ASPRV1: variants seen among roughly 807,000 people sequenced by gnomAD.
ASPRV1 encodes aspartic peptidase retroviral like 1, also known as retroviral-like aspartic protease 1.
In ASPRV1, 7 loss-of-function variants were observed where a neutral mutation model predicts 11.0. The ratio of observed to expected loss-of-function variants is 0.64; its 90% CI spans 0.36 to 1.20. The LOEUF (loss-of-function observed/expected upper bound fraction) is 1.20. Ranked by LOEUF, ASPRV1 falls within the 50% of genes most tolerant of loss-of-function variation. ASPRV1 has a pLI of 0.02. For missense variants in ASPRV1, 299 were observed against 320.0 expected, an observed-to-expected ratio of 0.93 and a Z score of 0.50; for synonymous variants, 136 against 138.4, an observed-to-expected ratio of 0.98 and a Z score of 0.12.
chr2:69,963,550 G>A (rs543699364), upstream of ASPRV1: 19 of 420,838 alleles, frequency 4.5e-5, no homozygotes, highest in African/African-American at 1.8e-4. Context: ...AGGGAGGAGC[G>A]AGGCAGGTGG....
chr2:69,960,835 C>A lies in ASPRV1; in HGVS notation c.602G>T (p.Gly201Val). The A allele has an allele frequency of 6.2e-7, 1 of 1,614,160 alleles. No individual in the cohort carries two copies. Among genetic ancestry groups the A allele is most frequent in the Non-Finnish European group, 8.5e-7 (1 of 1,180,018 alleles). Residue 201 changes from glycine to valine, a missense_variant, in exon 1 of 1, where the codon GGC (glycine) becomes GTC (valine). Coordinates refer to ENST00000320256, the MANE Select transcript of ASPRV1 (RefSeq NM_152792.4). The part of the protein sequence containing the change: ...ANASAEEAII[G>V]TDVLQDHNAI... ...ATTGTGGTCCTGGAGCACATCAGTG[C>A]CAATGATGGCTTCCTCGGCACTCGC...
chr2:69,937,245 A>C, the ASPRV1 span: 1 of 1,613,810 alleles, frequency 6.2e-7, no homozygotes, highest in African/African-American at 1.3e-5. Context: ...AAACTTGAAG[A>C]TTGTGACAGA....
At chr2:69,937,069 G>C in the ASPRV1 span, 1 of 881,900 alleles carries the variant, frequency 1.1e-6, no homozygotes, top group Admixed American at 1.8e-5. Flanking sequence ...GAAGCCAGGA[G>C]TCACTGGCCA....
chr2:70,026,703 G>T, the ASPRV1 span, among the ~76,000 whole-genome samples: 1,129 of 151,602 alleles, frequency 7.4e-3, 19 homozygotes, highest in African/African-American at 0.026. Flanking sequence ...AATTTAAGAG[G>T]ATACAAAAAA....
chr2:70,002,248 A>G, the ASPRV1 span, among the ~76,000 whole-genome samples: 15 of 152,010 alleles, frequency 9.9e-5, no homozygotes. Flanking sequence ...GAGCATTGAT[A>G]CCCTTTGTAT....
the ASPRV1 span, chr2:69,937,328 A>C: frequency 6.2e-7 from 1 of 1,614,188 alleles, no homozygotes; most frequent in Non-Finnish European, 8.5e-7. Flanking sequence ...GAAGCTGGGC[A>C]TTGAGAGGAT....
chr2:69,986,562 G>GA, the ASPRV1 span, among the ~76,000 whole-genome samples: 3 of 152,234 alleles, frequency 2.0e-5, no homozygotes, highest in Admixed American at 6.5e-5. Flanking sequence ...CTGGAAGTGG[G>GA]ATGACAACTT....
chr2:70,055,330 C>T, the ASPRV1 span, among the ~76,000 whole-genome samples: 1 of 151,882 alleles, frequency 6.6e-6, no homozygotes, highest in African/African-American at 2.4e-5. Flanking sequence ...AAGACACGCA[C>T]ACGTATGTTT....
At chr2:69,983,411 T>G in the ASPRV1 span, among the ~76,000 whole-genome samples, 1 of 152,168 alleles carries the variant, frequency 6.6e-6, no homozygotes, top group African/African-American at 2.4e-5. Flanking sequence ...TTCTGTTCCC[T>G]AGGGCATAGG....
chr2:69,961,402 C>A lies in ASPRV1; in HGVS notation c.35G>T (p.Arg12Leu). 6.2e-7 allele frequency: 1 copy of A among 1,614,092 alleles called. No homozygotes were observed. The highest frequency in any genetic ancestry group is 8.5e-7 in the Non-Finnish European group (1 of 1,180,030). ...AGSGARSEEGRRQHAFVPEPF... is the reference protein window; with the variant it reads ...AGSGARSEEGLRQHAFVPEPF... ...TTCCGGGACGAAGGCATGCTGCCGG[C>A]GGCCTTCCTCACTCCTGGCTCCGCT... is the stretch of plus-strand genomic sequence containing the variant. The change falls in exon 1 of 1, where the codon CGC (arginine) becomes CTC (leucine). Residue 12 changes from arginine (R) to leucine (L), a missense_variant. Coordinates refer to ENST00000320256, the MANE Select transcript of ASPRV1 (RefSeq NM_152792.4).
At chr2:69,981,602 G>C in the ASPRV1 span, among the ~76,000 whole-genome samples, 3 of 152,164 alleles carry the variant, frequency 2.0e-5, no homozygotes, top group Non-Finnish European at 4.4e-5. Context: ...TGTTACCCAG[G>C]CTGGAGTGCA....
chr2:70,002,132 G>A, the ASPRV1 span, among the ~76,000 whole-genome samples: 1 of 152,062 alleles, frequency 6.6e-6, no homozygotes, highest in Non-Finnish European at 1.5e-5. Context: ...TAAGAAACAT[G>A]GCAGTGTGCA....
the ASPRV1 span, among the ~76,000 whole-genome samples, chr2:70,000,775 C>A: frequency 1.2e-5 from 1 of 81,312 alleles, no homozygotes. Context: ...GGCAACAGAG[C>A]AAGACCCTGC....
At chr2:70,082,303 T>G in the ASPRV1 span, among the ~76,000 whole-genome samples, 4 of 152,008 alleles carry the variant, frequency 2.6e-5, no homozygotes, top group African/African-American at 9.7e-5. Context: ...GCATGGTGAC[T>G]CACACCAGAA....
chr2:70,075,347 C>CAAAAAAAAA, the ASPRV1 span: 1 of 55,542 alleles, frequency 1.8e-5, no homozygotes, highest in Non-Finnish European at 4.6e-5. Flanking sequence ...GACAACATCT[C>CAAAAAAAAA]AAAAAAAAAA....
chr2:70,073,540 T>C, the ASPRV1 span, among the ~76,000 whole-genome samples: 1 of 152,198 alleles, frequency 6.6e-6, no homozygotes, highest in Non-Finnish European at 1.5e-5. Flanking sequence ...TACTTAACGA[T>C]ACTTTGTTAA....
At chr2:69,989,446 G>C in the ASPRV1 span, among the ~76,000 whole-genome samples, 1 of 152,230 alleles carries the variant, frequency 6.6e-6, no homozygotes, top group Non-Finnish European at 1.5e-5. Context: ...CGTACATGGG[G>C]GGCCTCAGAG....
the ASPRV1 span, among the ~76,000 whole-genome samples, chr2:69,982,763 C>A: frequency 7.2e-5 from 11 of 152,156 alleles, no homozygotes; most frequent in Non-Finnish European, 1.3e-4. Context: ...CACCACAAAA[C>A]CTTAGGCCTC....
At chr2:70,053,380 A>G in the ASPRV1 span, among the ~76,000 whole-genome samples, 3 of 152,132 alleles carry the variant, frequency 2.0e-5, no homozygotes, top group African/African-American at 7.2e-5. Flanking sequence ...GTATAGGCAC[A>G]TGAGTGGAGG....
Sources: gnomAD v4.1 joint callset for allele counts (sites outside exome capture counted in the v4.1 genomes callset) on GRCh38, gnomAD v4.1.1 for gene constraint, MANE v1.5 for transcripts, NCBI Gene and HGNC (gene_info 2026-07-23, HGNC 2026-07-21) for gene names.